The following LUZP2 variants were observed in gnomAD, a reference collection of about 807,000 sequenced individuals.
The protein encoded by LUZP2 is leucine zipper protein 2.
Under a neutral mutation model 51.6 loss-of-function variants are expected in LUZP2, and 52 were observed. The ratio of observed to expected loss-of-function variants is 1.01; its 90% CI spans 0.81 to 1.27. The LOEUF is 1.27. LUZP2 is among the 50% of genes most tolerant of loss of function. The probability of loss-of-function intolerance (pLI) is 0.00; values close to 1 mark genes in which losing one functional copy is unlikely to be tolerated. For missense variants in LUZP2, 436 were observed against 395.4 expected (o/e 1.10, Z -0.87); for synonymous variants, 154 against 137.3 (o/e 1.12, Z -0.85).
intron 5 of LUZP2, among the ~76,000 whole-genome samples, chr11:24,895,730 TAC>T (rs1853021219): frequency 6.6e-6 from 1 of 152,236 alleles, no homozygotes; most frequent in Non-Finnish European, 1.5e-5. Context: ...GGTGTATATG[TAC>T]CACATCCACC....
chr11:24,689,532 C>T (rs747435418), intron 1 of LUZP2, among the ~76,000 whole-genome samples: 1 of 152,138 alleles, frequency 6.6e-6, no homozygotes, highest in Non-Finnish European at 1.5e-5. Flanking sequence ...CTCCTGGCAC[C>T]AGCTGTGACC....
At chr11:24,920,347 T>A (rs1308443568) in intron 7 of LUZP2, among the ~76,000 whole-genome samples, 2 of 152,044 alleles carry the variant, frequency 1.3e-5, no homozygotes, top group East Asian at 3.8e-4. Flanking sequence ...ACTATAGTGA[T>A]ACATTTTTCC....
At chr11:24,848,844 C>T (rs1047586693) in intron 5 of LUZP2, among the ~76,000 whole-genome samples, 2 of 152,024 alleles carry the variant, frequency 1.3e-5, no homozygotes, top group African/African-American at 2.4e-5. Flanking sequence ...AACACAAAAA[C>T]CATAATATCA....
At position 24,553,861 on chromosome 11, in the gene LUZP2, T is replaced by C. The variant is rs184838294; in HGVS notation, c.62+56556T>C. 6.2e-4 allele frequency among the ~76,000 whole-genome samples: 95 copies of C among 152,296 alleles called. 2 individuals are homozygous for C. In the East Asian group the frequency reaches 0.014, roughly 22 times the overall value. The stretch of plus-strand genomic sequence containing the variant: ...TCTTCTTAGTGGCAACTTCACTATT[T>C]GTGAGAAAAGATGGCTAAAACTGCC... On this transcript the variant is annotated intron_variant, in intron 1 of 11. Transcript: ENST00000336930.
chr11:24,527,850 A>T (rs954506649), intron 1 of LUZP2, among the ~76,000 whole-genome samples: 1 of 151,366 alleles, frequency 6.6e-6, no homozygotes, highest in Non-Finnish European at 1.5e-5. Context: ...AGTCCTAAAA[A>T]TCTTTCAGAC....
At chr11:24,973,373 T>TTTTG (rs1252891739) in intron 7 of LUZP2, among the ~76,000 whole-genome samples, 1 of 148,450 alleles carries the variant, frequency 6.7e-6, no homozygotes, top group East Asian at 2.0e-4. Flanking sequence ...AGTTTTTTTT[T>TTTTG]TTTTTTTCAA....
At chr11:25,075,706 CT>C (rs1214713633) in intron 10 of LUZP2, among the ~76,000 whole-genome samples, 1 of 151,918 alleles carries the variant, frequency 6.6e-6, no homozygotes, top group African/African-American at 2.4e-5. Context: ...TTTCAGGGGC[CT>C]GCAGTGAAAG....
intron 1 of LUZP2, among the ~76,000 whole-genome samples, chr11:24,671,764 G>A (rs149287427): frequency 1.3e-5 from 2 of 152,054 alleles, no homozygotes; most frequent in Non-Finnish European, 2.9e-5. Context: ...AACCTAGTTG[G>A]AACGTGTACT....
At chr11:24,704,024 A>C (rs1857496085) in intron 1 of LUZP2, among the ~76,000 whole-genome samples, 1 of 152,228 alleles carries the variant, frequency 6.6e-6, no homozygotes, top group Admixed American at 6.5e-5. Flanking sequence ...CTGACATATT[A>C]GAACCAAAAT....
At chr11:24,715,297 G>GTGTGTGTGTT (rs1857997357) in intron 1 of LUZP2, among the ~76,000 whole-genome samples, 3 of 136,640 alleles carry the variant, frequency 2.2e-5, no homozygotes, top group African/African-American at 7.7e-5. Context: ...GTGTGTGTGT[G>GTGTGTGTGTT]TGTGTGTGTG....
intron 5 of LUZP2, among the ~76,000 whole-genome samples, chr11:24,773,444 C>A (rs1848810304): frequency 6.6e-6 from 1 of 152,132 alleles, no homozygotes; most frequent in Non-Finnish European, 1.5e-5. Context: ...AGATAAAGTA[C>A]ATTCCTAGAG....
intron 9 of LUZP2, among the ~76,000 whole-genome samples, chr11:24,985,788 A>C (rs560891676): frequency 8.6e-5 from 13 of 151,870 alleles, no homozygotes; most frequent in African/African-American, 2.9e-4. Flanking sequence ...CGTATCCAGT[A>C]GATGATTATG....
At chr11:24,719,841 T>G (rs903565271) in intron 1 of LUZP2, among the ~76,000 whole-genome samples, 1 of 152,204 alleles carries the variant, frequency 6.6e-6, no homozygotes, top group African/African-American at 2.4e-5. Flanking sequence ...AACTGGTAGA[T>G]GATCTGCTCT....
chr11:24,707,276 A>ATC (rs148639231), intron 1 of LUZP2, among the ~76,000 whole-genome samples: 19 of 147,432 alleles, frequency 1.3e-4, no homozygotes, highest in African/African-American at 2.0e-4. Flanking sequence ...CACTCTTTCT[A>ATC]TCTCTCTCTC....
chr11:25,065,416 T>A (rs1858970633), intron 10 of LUZP2, among the ~76,000 whole-genome samples: 1 of 152,050 alleles, frequency 6.6e-6, no homozygotes, highest in African/African-American at 2.4e-5. Flanking sequence ...GATAAGTGCA[T>A]TAAATATATG....
intron 5 of LUZP2, among the ~76,000 whole-genome samples, chr11:24,903,754 T>C (rs1205372869): frequency 6.6e-6 from 1 of 152,182 alleles, no homozygotes; most frequent in Non-Finnish European, 1.5e-5. Context: ...CAGAAAAGCC[T>C]GAGTGCAATA....
intron 1 of LUZP2, among the ~76,000 whole-genome samples, chr11:24,604,631 A>G (rs1464420184): frequency 6.6e-6 from 1 of 151,832 alleles, no homozygotes; most frequent in Non-Finnish European, 1.5e-5. Flanking sequence ...CCTGGGTTCC[A>G]ATTTTAGCTC....
chr11:25,064,510 A>C (rs1417423634), intron 10 of LUZP2, among the ~76,000 whole-genome samples: 5 of 152,102 alleles, frequency 3.3e-5, no homozygotes, highest in Non-Finnish European at 7.4e-5. Flanking sequence ...ATAAAGCATT[A>C]TTGTCAAGCA....
intron 7 of LUZP2, among the ~76,000 whole-genome samples, chr11:24,921,919 G>A (rs1854073299): frequency 6.6e-6 from 1 of 152,042 alleles, no homozygotes; most frequent in African/African-American, 2.4e-5. Context: ...ACCCCTATGA[G>A]ACAGGAAAAT....
Sources: gnomAD v4.1 joint callset for allele counts (sites outside exome capture counted in the v4.1 genomes callset) on GRCh38, gnomAD v4.1.1 for gene constraint, MANE v1.5 for transcripts, NCBI Gene and HGNC (gene_info 2026-07-23, HGNC 2026-07-21) for gene names.